The following CACNB4 variants were observed in gnomAD, a reference collection of about 807,000 sequenced individuals.
CACNB4 encodes calcium voltage-gated channel auxiliary subunit beta 4.
In CACNB4, 32 loss-of-function variants were observed where a neutral mutation model predicts 71.2. The ratio of observed to expected loss-of-function variants is 0.45; its 90% CI spans 0.34 to 0.60. The LOEUF (loss-of-function observed/expected upper bound fraction) is 0.60, where lower values mean the gene tolerates loss of function less well. Ranked by LOEUF, CACNB4 falls within the 20% of genes least tolerant of loss-of-function variation. CACNB4 has a pLI of 0.01. For synonymous variants in CACNB4, 231 were observed against 236.9 expected, an observed-to-expected ratio of 0.97 and a Z score of 0.23; for missense variants, 464 against 647.9, an observed-to-expected ratio of 0.72 and a Z score of 3.08.
intron 2 of CACNB4, among the ~76,000 whole-genome samples, chr2:152,008,226 T>G (rs1291498384): frequency 6.6e-6 from 1 of 152,076 alleles, no homozygotes; most frequent in African/African-American, 2.4e-5. Flanking sequence ...GTGTGAACTG[T>G]CTACTGTCTA....
chr2:152,064,891 T>C (rs994178450), intron 2 of CACNB4, among the ~76,000 whole-genome samples: 4 of 152,084 alleles, frequency 2.6e-5, no homozygotes, highest in Admixed American at 6.6e-5. Flanking sequence ...CCACCTGTCA[T>C]AGAGAGAAAC....
At chr2:152,053,525 T>A (rs1483624898) in intron 2 of CACNB4, among the ~76,000 whole-genome samples, 4 of 144,126 alleles carry the variant, frequency 2.8e-5, no homozygotes, top group African/African-American at 1.1e-4. Context: ...TCTAGGAATT[T>A]TTTTTTTTTT....
At chr2:151,906,046 G>A (rs2099854729) in intron 2 of CACNB4, among the ~76,000 whole-genome samples, 1 of 152,176 alleles carries the variant, frequency 6.6e-6, no homozygotes, top group South Asian at 2.1e-4. Context: ...GCACATGCAT[G>A]CACACACATC....
intron 2 of CACNB4, among the ~76,000 whole-genome samples, chr2:151,953,426 A>C (rs992285757): frequency 6.6e-6 from 1 of 152,202 alleles, no homozygotes; most frequent in Non-Finnish European, 1.5e-5. Context: ...TTAGGAAGAC[A>C]GTCTAGAGTA....
chr2:151,913,781 A>AAG (rs1553772314), intron 2 of CACNB4, among the ~76,000 whole-genome samples: 22 of 150,888 alleles, frequency 1.5e-4, no homozygotes, highest in Non-Finnish European at 2.8e-4. Context: ...AAAAAAAAAA[A>AAG]AGAGAATATT....
chr2:152,071,953 T>C (rs1269025966), intron 2 of CACNB4, among the ~76,000 whole-genome samples: 3 of 152,226 alleles, frequency 2.0e-5, no homozygotes, highest in Non-Finnish European at 4.4e-5. Flanking sequence ...CATTCATTCA[T>C]CCATTCATTC....
At chr2:152,001,749 G>A (rs1238041412) in intron 2 of CACNB4, among the ~76,000 whole-genome samples, 2 of 151,562 alleles carry the variant, frequency 1.3e-5, no homozygotes, top group East Asian at 1.9e-4. Context: ...TGAGTTTTAC[G>A]GGTAACAAGT....
At chr2:152,018,462 G>C (rs761672424) in intron 2 of CACNB4, among the ~76,000 whole-genome samples, 5 of 151,970 alleles carry the variant, frequency 3.3e-5, no homozygotes, top group Non-Finnish European at 7.4e-5. Context: ...AAAACAAAAA[G>C]AAGGGGTAGT....
chr2:151,853,295 C>T (rs964400328), intron 12 of CACNB4, 153 bp downstream of exon 12: 6 of 554,508 alleles, frequency 1.1e-5, no homozygotes, highest in East Asian at 6.4e-5. Context: ...ATACAAGCAA[C>T]ATAACAGCAG....
intron 12 of CACNB4, among the ~76,000 whole-genome samples, chr2:151,845,163 T>C (rs909986351): frequency 1.3e-5 from 2 of 152,254 alleles, no homozygotes; most frequent in Non-Finnish European, 2.9e-5. Flanking sequence ...ATAAGTTTAA[T>C]AAAGCACTTC....
intron 9 of CACNB4, among the ~76,000 whole-genome samples, chr2:151,862,857 G>A (rs975304782): frequency 3.3e-5 from 5 of 152,106 alleles, no homozygotes; most frequent in Admixed American, 6.6e-5. Flanking sequence ...CTACAAGCCC[G>A]AATCTCAAGC....
At chr2:151,871,937 T>G (rs1023656133) in intron 6 of CACNB4, 1 of 161,428 alleles carries the variant, frequency 6.2e-6, no homozygotes, top group African/African-American at 2.4e-5. Flanking sequence ...GGCTGTCTGC[T>G]GTCCAAATGT....
At chr2:152,089,326 C>A (rs1342575431) in intron 2 of CACNB4, among the ~76,000 whole-genome samples, 1 of 152,170 alleles carries the variant, frequency 6.6e-6, no homozygotes, top group Non-Finnish European at 1.5e-5. Context: ...TTGATGTATT[C>A]TAAGATGCAG....
intron 2 of CACNB4, among the ~76,000 whole-genome samples, chr2:151,938,411 C>T (rs1247001238): frequency 6.6e-6 from 1 of 152,166 alleles, no homozygotes; most frequent in Non-Finnish European, 1.5e-5. Flanking sequence ...ACACCCTCCC[C>T]AATCAAAGTT....
At chr2:151,927,729 G>A (rs2099860603) in intron 2 of CACNB4, among the ~76,000 whole-genome samples, 1 of 152,234 alleles carries the variant, frequency 6.6e-6, no homozygotes, top group Non-Finnish European at 1.5e-5. Flanking sequence ...CAACGCAGGT[G>A]CTGAGTAGGT....
At chr2:151,941,275 A>ATTTTTTT (rs11346045) in intron 2 of CACNB4, among the ~76,000 whole-genome samples, 4 of 112,294 alleles carry the variant, frequency 3.6e-5, no homozygotes, top group African/African-American at 1.4e-4. Context: ...AAAATGGTTA[A>ATTTTTTT]TTTTTTTTTT....
chr2:152,049,816 T>C (rs932254053), intron 2 of CACNB4, among the ~76,000 whole-genome samples: 6 of 152,272 alleles, frequency 3.9e-5, no homozygotes, highest in African/African-American at 1.4e-4. Flanking sequence ...TATGAATTGA[T>C]AAACCAATAA....
At position 151,855,272 on chromosome 2, in the gene CACNB4, C is replaced by G; in HGVS notation, c.972G>C (p.Lys324Asn). The G allele has an allele frequency of 6.3e-7, 1 of 1,583,984 alleles. No homozygotes were observed. ...GAACAATAATTGGTGCTAAGGAAGT[C>G]TTTATAAGTTGTGCTGGGTGATTGA... ...DTINHPAQLI[K>N]TSLAPIIVHV... The change falls in exon 11 of 14, where the codon AAG (lysine) becomes AAC (asparagine). Residue 324 changes from lysine to asparagine, a missense_variant. Physicochemically the swap from Lys to Asn is moderately conservative, Grantham distance 94 (BLOSUM62 0). Around this residue, in one of 3 missense-constraint regions of CACNB4, gnomAD observed 299 missense variants for 471.7 expected, o/e 0.63. Coordinates refer to ENST00000539935, the MANE Select transcript of CACNB4 (RefSeq NM_000726.5).
At chr2:151,864,689 C>T (rs1366440627) in intron 9 of CACNB4, among the ~76,000 whole-genome samples, 1 of 152,126 alleles carries the variant, frequency 6.6e-6, no homozygotes, top group Non-Finnish European at 1.5e-5. Context: ...CATCTTTTGA[C>T]CTCAGTATCC....
Sources: allele counts gnomAD v4.1 joint callset (sites outside exome capture counted in the v4.1 genomes callset), GRCh38; gene constraint gnomAD v4.1.1; regional missense constraint gnomAD v4.1.1; transcripts MANE v1.5; gene names NCBI Gene and HGNC (gene_info 2026-07-23, HGNC 2026-07-21).